KCNG2: variants seen among roughly 807,000 people sequenced by gnomAD.
The protein encoded by KCNG2 is potassium voltage-gated channel modifier subfamily G member 2, also known as voltage-gated potassium channel regulatory subunit KCNG2.
A neutral mutation model predicts 12.3 loss-of-function variants in KCNG2; 7 were observed. That is an observed-to-expected ratio of 0.57 (90% CI 0.32 to 1.07). The LOEUF (loss-of-function observed/expected upper bound fraction) is 1.07, where lower values mean the gene tolerates loss of function less well. Ranked by LOEUF, KCNG2 falls within the 50% of genes least tolerant of loss-of-function variation. The probability of loss-of-function intolerance (pLI) is 0.04; values close to 1 mark genes in which losing one functional copy is unlikely to be tolerated. For synonymous variants in KCNG2, 414 were observed against 351.4 expected, an observed-to-expected ratio of 1.18 and a Z score of -1.99; for missense variants, 703 against 726.0, an observed-to-expected ratio of 0.97 and a Z score of 0.36.
chr18:79,877,485 C>T (rs939995107), intron 3 of KCNG2, among the ~76,000 whole-genome samples: 6 of 152,274 alleles, frequency 3.9e-5, no homozygotes, highest in African/African-American at 7.2e-5. Flanking sequence ...AGGAAAATCG[C>T]GAGCTGCGGG....
rs762384171 is a variant in KCNG2, at chr18:79,800,334, C to T, written c.-115+2320C>T. 3.9e-5 allele frequency among the ~76,000 whole-genome samples: 6 copies of T among 152,088 alleles called. No individual in the cohort carries two copies. Among genetic ancestry groups the T allele is most frequent in the Middle Eastern group, 3.4e-3 (1 of 292 alleles). On this transcript the variant is annotated intron_variant, in intron 1 of 3. Coordinates refer to ENST00000316249, the MANE Select transcript of KCNG2 (RefSeq NM_012283.2). This position sits in a 1 kb window ranked among gnomAD's most constrained non-coding sequence, Gnocchi z 4.0. ...ATGAATGGGGATATCTTAGGGCTAACGCTTGGTCAGGGATGTTCTTGGTGG... is the reference window on the plus strand; with the variant it reads ...ATGAATGGGGATATCTTAGGGCTAATGCTTGGTCAGGGATGTTCTTGGTGG...
At chr18:79,798,695 C>T (rs1325623701) in intron 1 of KCNG2, among the ~76,000 whole-genome samples, 2 of 152,238 alleles carry the variant, frequency 1.3e-5, no homozygotes, top group African/African-American at 4.8e-5. Context: ...CCCATGCGCC[C>T]CGTCCTCCGG....
Position 79,846,371 on chromosome 18 carries a change from T to C in KCNG2, c.-114-10008T>C, listed in dbSNP as rs1978627397. ...GCCTGGGCAACAGAGCGAGACTCCG[T>C]CTCAAAAAAAAAAAAAAAAAAAAAG... On this transcript the variant is annotated intron_variant, in intron 1 of 3. Transcript: ENST00000316249. 5.5e-5 allele frequency among the ~76,000 whole-genome samples: 4 copies of C among 72,088 alleles called. 1 individual carries two copies. In the South Asian group the frequency reaches 1.9e-3, roughly 34 times the overall value. 47.3% of individuals were successfully genotyped at this position (72,088 alleles called of 152,430 possible).
chr18:79,812,831 A>T (rs114478231), intron 1 of KCNG2, among the ~76,000 whole-genome samples: 4,659 of 152,246 alleles, frequency 0.031, 241 homozygotes, highest in African/African-American at 0.11. Context: ...ACTGTAGTCC[A>T]GTCTGGGTGA....
chr18:79,853,393 G>A (rs975876341), intron 1 of KCNG2, among the ~76,000 whole-genome samples: 22 of 152,100 alleles, frequency 1.4e-4, no homozygotes, highest in Admixed American at 3.9e-4. Context: ...CACCGTAGGC[G>A]TCACTGAGCA....
chr18:79,802,965 G>A (rs560855557), intron 1 of KCNG2, among the ~76,000 whole-genome samples: 1 of 152,268 alleles, frequency 6.6e-6, no homozygotes, highest in Non-Finnish European at 1.5e-5. Context: ...GATCACCTGA[G>A]GTCAGGAGTT....
At chr18:79,805,662 C>T (rs898278258) in intron 1 of KCNG2, among the ~76,000 whole-genome samples, 3 of 152,188 alleles carry the variant, frequency 2.0e-5, no homozygotes, top group African/African-American at 7.2e-5. Context: ...CCACCTGGCG[C>T]CCTGCAGGGC....
At chr18:79,828,301 A>G (rs907534980) in intron 1 of KCNG2, among the ~76,000 whole-genome samples, 5 of 152,212 alleles carry the variant, frequency 3.3e-5, no homozygotes, top group Admixed American at 2.6e-4. Flanking sequence ...GTGCATGTGC[A>G]TATGTGTGCA....
At chr18:79,877,834 TG>T (rs1396705039) in intron 3 of KCNG2, among the ~76,000 whole-genome samples, 2 of 152,222 alleles carry the variant, frequency 1.3e-5, no homozygotes, top group Non-Finnish European at 2.9e-5. Flanking sequence ...CCTCGCCTTC[TG>T]AGAAGGGCTC....
At position 79,800,698 on chromosome 18, in the gene KCNG2, T is replaced by C. The variant is rs529539053; in HGVS notation, c.-115+2684T>C. On this transcript the variant is annotated intron_variant, in intron 1 of 3. Coordinates refer to ENST00000316249, the MANE Select transcript of KCNG2 (RefSeq NM_012283.2). The surrounding 1 kb of genome is among the most constrained non-coding windows in gnomAD (Gnocchi z 4.0). ...AGTTCCTTCCCCGGGCGGGCGGCGC[T>C]GAGCAGACGGGAGGTGGGCTGGTGC... 6.6e-6 allele frequency among the ~76,000 whole-genome samples: 1 copy of C among 152,288 alleles called. No homozygotes were observed. Among genetic ancestry groups the C allele is most frequent in the South Asian group, 2.1e-4 (1 of 4,820 alleles).
chr18:79,870,059 C>T (rs1428974868), intron 3 of KCNG2, among the ~76,000 whole-genome samples: 2 of 152,210 alleles, frequency 1.3e-5, no homozygotes. Context: ...GGGTGGGCAC[C>T]GCTCGTGCTC....
chr18:79,888,367 A>G (rs1216116430), intron 3 of KCNG2, among the ~76,000 whole-genome samples: 2 of 151,852 alleles, frequency 1.3e-5, no homozygotes, highest in African/African-American at 4.8e-5. Flanking sequence ...CTGGGACAGC[A>G]GCATCCTCCT....
chr18:79,829,346 T>C (rs1386602030), intron 1 of KCNG2, among the ~76,000 whole-genome samples: 1 of 152,172 alleles, frequency 6.6e-6, no homozygotes, highest in Non-Finnish European at 1.5e-5. Flanking sequence ...CTTGTGTGTC[T>C]GTGTGTGTAT....
rs1372219127 is a variant in KCNG2 at position 79,884,097 on chromosome 18, C to T, written c.625-14943C>T. ...CCTCCCGGAGGCTGGGCCCTCTTCT[C>T]CCACCAGCCTCCCGCCTGCAATTTC... is the stretch of plus-strand genomic sequence containing the variant. On this transcript the variant is annotated intron_variant, in intron 3 of 3. Coordinates refer to ENST00000316249, the MANE Select transcript of KCNG2 (RefSeq NM_012283.2). The surrounding 1 kb of genome is among the most constrained non-coding windows in gnomAD (Gnocchi z 5.5). 1.3e-5 allele frequency among the ~76,000 whole-genome samples: 2 copies of T among 152,044 alleles called. No individual in the cohort carries two copies. The highest frequency in any genetic ancestry group is 2.9e-5 in the Non-Finnish European group (2 of 67,998).
intron 1 of KCNG2, chr18:79,816,566 T>C (rs532758792): frequency 1.3e-5 from 2 of 152,388 alleles, no homozygotes; most frequent in South Asian, 4.1e-4. Context: ...ATTTGAGTTA[T>C]TCCAGCTCCC....
intron 1 of KCNG2, among the ~76,000 whole-genome samples, chr18:79,830,848 G>C (rs1008504903): frequency 3.0e-5 from 4 of 134,410 alleles, no homozygotes; most frequent in East Asian, 4.2e-4. Context: ...CGTTCTCTGC[G>C]GACAGAGCCT....
At position 79,849,330 on chromosome 18, in the gene KCNG2, TCA is replaced by T. The variant is rs139768970; in HGVS notation, c.-114-7042_-114-7041del. Among the ~76,000 whole-genome samples, 391 of 152,314 alleles carry T rather than the reference TCA, an allele frequency of 2.6e-3. 1 individual carries two copies. Among genetic ancestry groups the T allele is most frequent in the African/African-American group, 9.2e-3 (382 of 41,558 alleles). On this transcript the variant is annotated intron_variant, in intron 1 of 3. Transcript: ENST00000316249. Reference sequence around the variant, plus strand: ...GACGTCCCGGGCAGCAGAAAACAAATCACACACAACCCGCCCTCCCAGCGCTG... The same window carrying T: ...GACGTCCCGGGCAGCAGAAAACAAATCACACAACCCGCCCTCCCAGCGCTG...
intron 1 of KCNG2, among the ~76,000 whole-genome samples, chr18:79,798,978 G>C (rs768283083): frequency 2.6e-5 from 4 of 152,210 alleles, no homozygotes; most frequent in Non-Finnish European, 5.9e-5. Context: ...GGGCTGCGGG[G>C]ACCCCCTCTG....
intron 1 of KCNG2, among the ~76,000 whole-genome samples, chr18:79,815,201 G>A (rs766306500): frequency 1.3e-5 from 2 of 152,274 alleles, no homozygotes; most frequent in East Asian, 1.9e-4. Context: ...CAATTTGGTA[G>A]GCAGAGGTGG....
Sources: gnomAD v4.1 joint callset for allele counts (sites outside exome capture counted in the v4.1 genomes callset) on GRCh38, gnomAD v4.1.1 for gene constraint, Gnocchi (gnomAD v3.1) non-coding constraint, MANE v1.5 for transcripts, NCBI Gene and HGNC (gene_info 2026-07-23, HGNC 2026-07-21) for gene names.